The following WDR41 variants were observed in gnomAD, a reference collection of about 807,000 sequenced individuals.
The protein encoded by WDR41 is WD repeat domain 41, also known as WD repeat-containing protein 41.
WDR41 carries 63 observed loss-of-function variants against 69.3 expected under a neutral mutation model. The observed-to-expected ratio is 0.91, with a 90% CI of 0.74 to 1.12. WDR41 has a LOEUF of 1.12. Ranked by LOEUF, WDR41 falls within the 50% of genes most tolerant of loss-of-function variation. The pLI is 0.00. For missense variants in WDR41, 543 were observed against 534.5 expected (o/e 1.02, Z -0.16); for synonymous variants, 185 against 192.1 (o/e 0.96, Z 0.31).
chr5:77,482,310 T>C (rs975200472), intron 2 of WDR41, among the ~76,000 whole-genome samples: 1 of 152,242 alleles, frequency 6.6e-6, no homozygotes, highest in African/African-American at 2.4e-5. Context: ...TTCCTTAATG[T>C]CATCAAATAC....
At chr5:77,580,566 T>TC (rs1743919508) in intron 1 of WDR41, among the ~76,000 whole-genome samples, 1 of 134,034 alleles carries the variant, frequency 7.5e-6, no homozygotes, top group Non-Finnish European at 1.6e-5. Flanking sequence ...GAAAATATAG[T>TC]GAAAAAATCA....
intron 1 of WDR41, among the ~76,000 whole-genome samples, chr5:77,587,093 C>G (rs1278873076): frequency 1.6e-5 from 1 of 64,354 alleles, no homozygotes; most frequent in Non-Finnish European, 2.8e-5. Context: ...TCTAGTACCC[C>G]CAAAGCTTCT....
At chr5:77,551,674 A>T (rs6453319) in intron 1 of WDR41, among the ~76,000 whole-genome samples, 4 of 149,696 alleles carry the variant, frequency 2.7e-5, no homozygotes, top group South Asian at 2.1e-4. Flanking sequence ...TGAGACTCTG[A>T]CTCAAAAAAT....
intron 1 of WDR41, among the ~76,000 whole-genome samples, chr5:77,594,856 CAAG>C (rs976735265): frequency 1.3e-5 from 2 of 152,162 alleles, no homozygotes; most frequent in African/African-American, 2.4e-5. Context: ...TTCCAACTGA[CAAG>C]AAGATACACT....
intron 2 of WDR41, 65 bp from the exon 3 acceptor site, chr5:77,464,874 A>G: frequency 1.3e-6 from 2 of 1,510,748 alleles, no homozygotes; most frequent in Non-Finnish European, 1.8e-6. Context: ...AAGATTAAGA[A>G]CTATCAAACC....
chr5:77,514,570 C>T (rs947703926), intron 1 of WDR41, among the ~76,000 whole-genome samples: 17 of 152,126 alleles, frequency 1.1e-4, no homozygotes, highest in African/African-American at 4.1e-4. Context: ...CATTATGTAA[C>T]CTGAACAAAC....
At position 77,562,177 on chromosome 5, in the gene WDR41, G is replaced by A. The variant is rs114721736; in HGVS notation, c.42+58302C>T. Among the ~76,000 whole-genome samples, 262 of 152,226 alleles carry A rather than the reference G, an allele frequency of 1.7e-3. 3 individuals are homozygous for A. Among genetic ancestry groups the A allele is most frequent in the African/African-American group, 5.6e-3 (232 of 41,520 alleles). ...TTTTGATTTAGTGCCGATCTGCTGC[G>A]CTTGTCACAGGCTGCAAGGTGCTTT... On this transcript the variant is annotated intron_variant, in intron 1 of 5. Coordinates refer to the WDR41 transcript ENST00000509971.
At chr5:77,559,527 G>A (rs1398043283) in intron 1 of WDR41, among the ~76,000 whole-genome samples, 1 of 151,870 alleles carries the variant, frequency 6.6e-6, no homozygotes, top group Non-Finnish European at 1.5e-5. Flanking sequence ...ATTAGTAGAT[G>A]ACAGAATTCA....
intron 1 of WDR41, among the ~76,000 whole-genome samples, chr5:77,599,197 C>CTT (rs34759217): frequency 0.041 from 3,115 of 76,216 alleles, 82 homozygotes; most frequent in Non-Finnish European, 0.045. Flanking sequence ...ATCGGAAGCT[C>CTT]TTTTTTTTTT....
intron 2 of WDR41, among the ~76,000 whole-genome samples, chr5:77,471,240 C>T (rs1015692155): frequency 2.6e-5 from 4 of 152,120 alleles, no homozygotes; most frequent in Non-Finnish European, 4.4e-5. Flanking sequence ...AGAACAAAGA[C>T]ACAACATACC....
intron 9 of WDR41, among the ~76,000 whole-genome samples, chr5:77,439,609 G>T (rs1454575481): frequency 6.6e-6 from 1 of 152,218 alleles, no homozygotes; most frequent in Non-Finnish European, 1.5e-5. Context: ...GAGAATTCAT[G>T]AGCTTTGGAG....
At chr5:77,468,577 A>T (rs1800409585) in intron 2 of WDR41, among the ~76,000 whole-genome samples, 1 of 152,194 alleles carries the variant, frequency 6.6e-6, no homozygotes, top group Admixed American at 6.5e-5. Flanking sequence ...GTTCTTACTC[A>T]TGTGAAGGCC....
chr5:77,591,134 C>G (rs925897172), intron 1 of WDR41, among the ~76,000 whole-genome samples: 1 of 151,896 alleles, frequency 6.6e-6, no homozygotes, highest in African/African-American at 2.4e-5. Flanking sequence ...TTTTTTCAAG[C>G]AATTTTCACT....
chr5:77,519,179 G>A (rs1313866016), intron 1 of WDR41, among the ~76,000 whole-genome samples: 2 of 151,858 alleles, frequency 1.3e-5, no homozygotes, highest in East Asian at 3.9e-4. Context: ...AGGGTATTCT[G>A]CCTGGTTATT....
intron 1 of WDR41, among the ~76,000 whole-genome samples, chr5:77,502,501 A>C (rs1802034910): frequency 6.6e-6 from 1 of 152,192 alleles, no homozygotes; most frequent in Admixed American, 6.5e-5. Context: ...CTAACATTCA[A>C]ATTCAGAAAA....
intron 1 of WDR41, among the ~76,000 whole-genome samples, chr5:77,521,924 G>A (rs559336717): frequency 8.5e-5 from 13 of 152,306 alleles, no homozygotes; most frequent in African/African-American, 2.9e-4. Flanking sequence ...CTTTTAAGCC[G>A]TAGGTCTTTA....
At chr5:77,490,073 T>C (rs1801703159) in intron 1 of WDR41, among the ~76,000 whole-genome samples, 1 of 151,902 alleles carries the variant, frequency 6.6e-6, no homozygotes, top group East Asian at 1.9e-4. Flanking sequence ...TTTCTCAAAC[T>C]TGATGCTGAC....
chr5:77,614,840 T>A (rs1314909001), intron 1 of WDR41, among the ~76,000 whole-genome samples: 1 of 150,380 alleles, frequency 6.6e-6, no homozygotes, highest in Admixed American at 6.6e-5. Flanking sequence ...GAGAAGGGGA[T>A]AAAGGAACAA....
At chr5:77,475,861 T>C (rs1428353614) in intron 2 of WDR41, among the ~76,000 whole-genome samples, 1 of 152,002 alleles carries the variant, frequency 6.6e-6, no homozygotes, top group Non-Finnish European at 1.5e-5. Flanking sequence ...CTTCAGACGA[T>C]GAAATTACTA....
Sources: gnomAD v4.1 joint callset for allele counts (sites outside exome capture counted in the v4.1 genomes callset) on GRCh38, gnomAD v4.1.1 for gene constraint, MANE v1.5 for transcripts, NCBI Gene and HGNC (gene_info 2026-07-23, HGNC 2026-07-21) for gene names.